The following KDM2A variants were observed in gnomAD, a reference collection of about 807,000 sequenced individuals.
The protein encoded by KDM2A is lysine demethylase 2A.
KDM2A carries 3 observed loss-of-function variants against 137.3 expected under a neutral mutation model. The observed-to-expected ratio is 0.02, with a 90% CI of 0.01 to 0.06. KDM2A has a LOEUF of 0.06. Ranked by LOEUF, KDM2A falls within the 10% of genes least tolerant of loss-of-function variation. KDM2A has a pLI of 1.00. For synonymous variants in KDM2A, 512 were observed against 541.5 expected, an observed-to-expected ratio of 0.95 and a Z score of 0.76; for missense variants, 738 against 1,510.6, an observed-to-expected ratio of 0.49 and a Z score of 8.48.
chr11:67,127,287 G>T (rs1855752608), intron 2 of KDM2A, among the ~76,000 whole-genome samples: 1 of 151,998 alleles, frequency 6.6e-6, no homozygotes, highest in Non-Finnish European at 1.5e-5. Context: ...TGTAAAGGCA[G>T]GCTATCCCTG....
chr11:67,166,322 C>T (rs1475287915), intron 2 of KDM2A, among the ~76,000 whole-genome samples: 2 of 151,306 alleles, frequency 1.3e-5, no homozygotes. Context: ...GTAGCTGGGA[C>T]TATAGGCACA....
intron 2 of KDM2A, among the ~76,000 whole-genome samples, chr11:67,162,580 A>G (rs111992957): frequency 7.8e-4 from 119 of 152,060 alleles, no homozygotes; most frequent in African/African-American, 2.7e-3. Context: ...TAACTTTTGT[A>G]TTTTTAGTAG....
At chr11:67,156,229 CA>C (rs1240012757) in intron 2 of KDM2A, among the ~76,000 whole-genome samples, 7 of 136,330 alleles carry the variant, frequency 5.1e-5, no homozygotes, top group African/African-American at 1.9e-4. Context: ...GCTTGGGCAA[CA>C]AAAGCAAAAC....
chr11:67,138,101 A>G (rs546610707), intron 2 of KDM2A, among the ~76,000 whole-genome samples: 4 of 152,166 alleles, frequency 2.6e-5, no homozygotes, highest in South Asian at 2.1e-4. Flanking sequence ...TGGCCAAACT[A>G]TAGTATTATT....
At chr11:67,156,753 G>T (rs1317585407) in intron 2 of KDM2A, among the ~76,000 whole-genome samples, 4 of 151,388 alleles carry the variant, frequency 2.6e-5, no homozygotes, top group Non-Finnish European at 4.4e-5. Context: ...GCTGGGCATG[G>T]TGGCATGTGC....
chr11:67,244,739 A>T (rs538390483), intron 13 of KDM2A, among the ~76,000 whole-genome samples: 19 of 152,258 alleles, frequency 1.2e-4, no homozygotes, highest in Non-Finnish European at 2.4e-4. Context: ...TAATCCCAGC[A>T]CTATGGGATG....
intron 2 of KDM2A, among the ~76,000 whole-genome samples, chr11:67,170,229 A>G (rs1590744981): frequency 6.6e-6 from 1 of 152,162 alleles, no homozygotes; most frequent in East Asian, 1.9e-4. Context: ...TTGAACAACC[A>G]GTAGTTTGTC....
Position 67,254,400 on chromosome 11 carries a change from A to G in KDM2A, c.3289A>G (p.Thr1097Ala). The change falls in exon 20 of 21, where the codon ACA (threonine) becomes GCA (alanine). Residue 1097 changes from threonine (T) to alanine (A), a missense_variant. By Grantham distance (58) the Thr-to-Ala change is moderately conservative. Transcript: ENST00000529006. This position sits in a 1 kb window ranked among gnomAD's most constrained non-coding sequence, Gnocchi z 4.7. ...CGGGTCTTCCACTCGCTACTCTCTC[A>G]CAGAGCTCAATATGGCAGGTATGCC... ...AVGSSTRYSLTELNMAGCNKL... is the reference protein window; with the variant it reads ...AVGSSTRYSLAELNMAGCNKL... 6.2e-7 allele frequency: 1 copy of G among 1,613,870 alleles called. No individual in the cohort carries two copies. The highest frequency in any genetic ancestry group is 8.5e-7 in the Non-Finnish European group (1 of 1,179,828).
intron 2 of KDM2A, among the ~76,000 whole-genome samples, chr11:67,174,277 T>G (rs1313901001): frequency 2.0e-5 from 3 of 152,046 alleles, no homozygotes; most frequent in Non-Finnish European, 4.4e-5. Context: ...AAAGAAACCG[T>G]TTCCTAAAAA....
chr11:67,200,726 A>G (rs1857599170), intron 5 of KDM2A, among the ~76,000 whole-genome samples: 5 of 151,428 alleles, frequency 3.3e-5, no homozygotes, highest in African/African-American at 7.3e-5. Flanking sequence ...AGGCTGGTTT[A>G]GAACTCCTGG....
rs1940123088 is a variant in KDM2A, at chr11:67,217,436, G to A, written c.688-295G>A. 1.4e-5 allele frequency: 5 copies of A among 364,270 alleles called. 1 individual carries two copies. In the South Asian group the frequency reaches 1.5e-4, roughly 11 times the overall value. 22.6% of individuals were successfully genotyped at this position (364,270 alleles called of 1,614,324 possible). A position where few individuals can be genotyped will look rare whatever the true frequency, so the allele number is the denominator to read the frequency against. On this transcript the variant is annotated intron_variant, in intron 8 of 20. Transcript: ENST00000529006. ...CTTAGGACTCTGGAAGCCAGACAGA[G>A]TGTTTAAGGGACTGCCTAGGTAATG... is the stretch of plus-strand genomic sequence containing the variant.
intron 12 of KDM2A, among the ~76,000 whole-genome samples, chr11:67,233,989 T>A (rs1213063698): frequency 6.6e-6 from 1 of 152,166 alleles, no homozygotes. Flanking sequence ...AGTGTTTGAA[T>A]TCTCCCTCCA....
At chr11:67,129,835 C>T (rs946209026) in intron 2 of KDM2A, among the ~76,000 whole-genome samples, 3 of 151,150 alleles carry the variant, frequency 2.0e-5, no homozygotes, top group South Asian at 2.1e-4. Flanking sequence ...CGCTTCAACT[C>T]GGGAGGCAGA....
At chr11:67,149,491 A>G (rs960552304) in intron 2 of KDM2A, among the ~76,000 whole-genome samples, 1 of 152,086 alleles carries the variant, frequency 6.6e-6, no homozygotes, top group African/African-American at 2.4e-5. Context: ...TAGATAACAT[A>G]TATCTGTATT....
intron 5 of KDM2A, among the ~76,000 whole-genome samples, chr11:67,182,178 CT>C (rs1364822086): frequency 1.3e-5 from 2 of 152,074 alleles, no homozygotes; most frequent in Admixed American, 1.3e-4. Context: ...AAACCGAAAA[CT>C]TACATCTCTT....
intron 2 of KDM2A, among the ~76,000 whole-genome samples, chr11:67,146,572 A>G (rs138370035): frequency 6.4e-4 from 97 of 151,804 alleles, no homozygotes; most frequent in African/African-American, 2.3e-3. Context: ...GCAGTGGCAT[A>G]ATCTAGGTTC....
chr11:67,190,650 A>C (rs1333250293), intron 5 of KDM2A, among the ~76,000 whole-genome samples: 1 of 152,090 alleles, frequency 6.6e-6, no homozygotes, highest in Non-Finnish European at 1.5e-5. Flanking sequence ...AATCCCAGCT[A>C]CTCAGGAGGC....
Position 67,219,337 on chromosome 11 carries a change from C to A in KDM2A, c.891C>A (p.Gly297=), listed in dbSNP as rs1466470285. 1.2e-6 allele frequency: 2 copies of A among 1,611,136 alleles called. No homozygotes were observed. Among genetic ancestry groups the A allele is most frequent in the Non-Finnish European group, 1.7e-6 (2 of 1,178,592 alleles). ...YTPTDTLVFG[G]NFLHSFNIPM... ...CTACAGACACATTAGTGTTTGGGGG[C>A]AATTTTTTGCATAGCTTCAACATCC... The change falls in exon 10 of 21, where the codon GGC becomes GGA. Residue 297 remains glycine, a synonymous_variant. Coordinates refer to ENST00000529006, the MANE Select transcript of KDM2A (RefSeq NM_012308.3).
intron 16 of KDM2A, chr11:67,248,648 C>G (rs1031519896): frequency 8.3e-6 from 3 of 359,870 alleles, no homozygotes; most frequent in African/African-American, 6.4e-5. Context: ...AGAGGAACCA[C>G]GGCTGGGCTA....
Sources: gnomAD v4.1 joint callset for allele counts (sites outside exome capture counted in the v4.1 genomes callset) on GRCh38, gnomAD v4.1.1 for gene constraint, Gnocchi (gnomAD v3.1) non-coding constraint, MANE v1.5 for transcripts, NCBI Gene and HGNC (gene_info 2026-07-23, HGNC 2026-07-21) for gene names.